FAM193A: variants seen among roughly 807,000 people sequenced by gnomAD.
FAM193A encodes the protein protein FAM193A.
FAM193A carries 22 observed loss-of-function variants against 126.5 expected under a neutral mutation model. That is an observed-to-expected ratio of 0.17 (90% CI 0.12 to 0.25). The LOEUF (loss-of-function observed/expected upper bound fraction) is 0.25. FAM193A is among the 10% of genes least tolerant of loss of function. FAM193A has a pLI of 1.00. For missense variants in FAM193A, 1,675 were observed against 1,672.8 expected, an observed-to-expected ratio of 1.00 and a Z score of -0.02; for synonymous variants, 761 against 646.8, an observed-to-expected ratio of 1.18 and a Z score of -2.68.
intron 1 of FAM193A, among the ~76,000 whole-genome samples, chr4:2,556,267 G>T (rs1175257623): frequency 1.3e-5 from 2 of 151,656 alleles, no homozygotes; most frequent in African/African-American, 4.9e-5. Context: ...GTGCAGTGAC[G>T]CGATCTCGGC....
chr4:2,630,840 C>T (rs1577101249), intron 4 of FAM193A, 95 bp from the exon 5 acceptor site: 14 of 679,622 alleles, frequency 2.1e-5, no homozygotes, highest in Admixed American at 7.6e-5. Flanking sequence ...CTAGAGGTGG[C>T]CACCTGTGGA....
intron 7 of FAM193A, among the ~76,000 whole-genome samples, chr4:2,652,679 G>A (rs1019645796): frequency 3.9e-5 from 6 of 152,130 alleles, no homozygotes; most frequent in African/African-American, 1.4e-4. Context: ...CCTCCCACCA[G>A]GCCCCATCTC....
Position 2,663,152 on chromosome 4 carries a change from A to T in FAM193A, c.1943A>T (p.Asp648Val), listed in dbSNP as rs754504865. ...ACCAGCAGTAGTTCCTCAGAAGCTGATGATGAAGAAGCGGACGGCGAGAGT... is the reference window on the plus strand; with the variant it reads ...ACCAGCAGTAGTTCCTCAGAAGCTGTTGATGAAGAAGCGGACGGCGAGAGT... ...SSTSSSSSEA[D>V]DEEADGESSG... The change falls in exon 12 of 21, where the codon GAT (aspartate) becomes GTT (valine). Residue 648 changes from aspartate to valine, a missense_variant. Around this residue, in one of 4 missense-constraint regions of FAM193A, gnomAD observed 1,186 missense variants for 1,109.2 expected, o/e 1.07. Coordinates refer to ENST00000637812, the MANE Select transcript of FAM193A (RefSeq NM_001366318.2). The T allele has an allele frequency of 1.2e-6, 2 of 1,614,230 alleles. No individual in the cohort carries two copies. The highest frequency in any genetic ancestry group is 1.7e-6 in the Non-Finnish European group (2 of 1,180,030).
chr4:2,574,638 G>T (rs922569344), intron 1 of FAM193A, among the ~76,000 whole-genome samples: 3 of 152,148 alleles, frequency 2.0e-5, no homozygotes, highest in African/African-American at 7.2e-5. Flanking sequence ...AAGCAAAACC[G>T]TGCTTTCCAG....
intron 1 of FAM193A, among the ~76,000 whole-genome samples, chr4:2,572,343 A>G: frequency 6.6e-6 from 1 of 151,388 alleles, no homozygotes; most frequent in African/African-American, 2.4e-5. Context: ...AAAAAAAAAA[A>G]AGTCCAAGGT....
At chr4:2,594,503 G>A (rs905692994) in intron 1 of FAM193A, among the ~76,000 whole-genome samples, 6 of 152,176 alleles carry the variant, frequency 3.9e-5, no homozygotes, top group Non-Finnish European at 7.4e-5. Context: ...CACCCTACAC[G>A]GCAGGAGAGA....
intron 6 of FAM193A, among the ~76,000 whole-genome samples, chr4:2,643,552 T>C (rs1459017319): frequency 1.3e-5 from 2 of 152,200 alleles, no homozygotes; most frequent in Admixed American, 6.5e-5. Context: ...ACTCTACCAT[T>C]AAACAGTAAC....
At chr4:2,674,015 C>T (rs1004090951) in intron 13 of FAM193A, among the ~76,000 whole-genome samples, 1 of 152,052 alleles carries the variant, frequency 6.6e-6, no homozygotes, top group Non-Finnish European at 1.5e-5. Context: ...AATAGAAAAG[C>T]AAATATGGAG....
At chr4:2,681,847 C>T (rs747334819) in intron 13 of FAM193A, among the ~76,000 whole-genome samples, 3 of 152,028 alleles carry the variant, frequency 2.0e-5, no homozygotes, top group East Asian at 1.9e-4. Flanking sequence ...GCTTTCACTG[C>T]GTCCCGTAAG....
At chr4:2,670,807 G>C (rs970581162) in intron 12 of FAM193A, among the ~76,000 whole-genome samples, 3 of 152,028 alleles carry the variant, frequency 2.0e-5, no homozygotes, top group Non-Finnish European at 4.4e-5. Flanking sequence ...ATTTTTTGTT[G>C]AAAATTGGAC....
intron 2 of FAM193A, among the ~76,000 whole-genome samples, chr4:2,605,417 C>A (rs1251130687): frequency 2.0e-5 from 3 of 152,140 alleles, no homozygotes; most frequent in African/African-American, 7.2e-5. Context: ...TATTTTATGT[C>A]TTACTTATTT....
intron 12 of FAM193A, among the ~76,000 whole-genome samples, chr4:2,667,493 G>T (rs553138680): frequency 2.0e-5 from 3 of 152,132 alleles, no homozygotes; most frequent in East Asian, 3.8e-4. Flanking sequence ...TCATGCATTT[G>T]GGGGTGATGT....
intron 2 of FAM193A, among the ~76,000 whole-genome samples, chr4:2,606,713 TA>T (rs1159671460): frequency 6.6e-6 from 1 of 152,232 alleles, no homozygotes; most frequent in African/African-American, 2.4e-5. Flanking sequence ...ATTTTCCTGA[TA>T]TTAATACTTT....
At chr4:2,677,860 A>G (rs1388657896) in intron 13 of FAM193A, among the ~76,000 whole-genome samples, 3 of 152,242 alleles carry the variant, frequency 2.0e-5, no homozygotes, top group East Asian at 1.9e-4. Flanking sequence ...TGGGGACTGC[A>G]TAACTGCATT....
intron 1 of FAM193A, among the ~76,000 whole-genome samples, chr4:2,580,830 A>G (rs140404095): frequency 2.8e-3 from 432 of 152,338 alleles, no homozygotes; most frequent in African/African-American, 7.8e-3. Flanking sequence ...TCTGTTCTTT[A>G]TAAGTTTTTT....
rs1484499517 is a variant in FAM193A at position 2,658,101 on chromosome 4, A to G, written c.1389+221A>G. Reference sequence around the variant, plus strand: ...TCCATATACGCCTCAAGAAAAACCCATGTGTATTGAGTGGCCTCTCTATCC... The same window carrying G: ...TCCATATACGCCTCAAGAAAAACCCGTGTGTATTGAGTGGCCTCTCTATCC... On this transcript the variant is annotated intron_variant, in intron 8 of 20. Coordinates refer to ENST00000637812, the MANE Select transcript of FAM193A (RefSeq NM_001366318.2). Among the ~76,000 whole-genome samples the G allele has an allele frequency of 3.9e-5, 6 of 152,302 alleles. No homozygotes were observed. In the East Asian group the frequency reaches 5.8e-4, roughly 15 times the overall value.
At chr4:2,684,750 C>T (rs915942565) in intron 13 of FAM193A, among the ~76,000 whole-genome samples, 1 of 152,178 alleles carries the variant, frequency 6.6e-6, no homozygotes, top group Non-Finnish European at 1.5e-5. Context: ...ACCTCCACCT[C>T]GCTTCTCTCA....
At chr4:2,625,018 C>T (rs541617444) in intron 2 of FAM193A, among the ~76,000 whole-genome samples, 65 of 152,244 alleles carry the variant, frequency 4.3e-4, no homozygotes, top group Non-Finnish European at 7.4e-4. Context: ...CCAACACGCC[C>T]GGCCTATTTT....
intron 19 of FAM193A, among the ~76,000 whole-genome samples, chr4:2,710,851 CT>C (rs35045989): frequency 0.34 from 39,721 of 115,788 alleles, 5,203 homozygotes; most frequent in Admixed American, 0.49. Context: ...TCTGTGCTTT[CT>C]TTTTTTTTTT....
Sources: allele counts gnomAD v4.1 joint callset (sites outside exome capture counted in the v4.1 genomes callset), GRCh38; gene constraint gnomAD v4.1.1; regional missense constraint gnomAD v4.1.1; transcripts MANE v1.5; gene names NCBI Gene and HGNC (gene_info 2026-07-23, HGNC 2026-07-21).